Variants in DUT observed in about 807,000 individuals in gnomAD.
DUT encodes the protein deoxyuridine 5'-triphosphate nucleotidohydrolase, mitochondrial.
Under a neutral mutation model 28.8 loss-of-function variants are expected in DUT, and 21 were observed. The ratio of observed to expected loss-of-function variants is 0.73; its 90% CI spans 0.52 to 1.05. DUT has a LOEUF of 1.05. DUT is among the 50% of genes least tolerant of loss of function. The pLI, the probability that DUT is intolerant of heterozygous loss-of-function variation, is 0.00. For missense variants in DUT, 344 were observed against 351.8 expected (o/e 0.98, Z 0.18); for synonymous variants, 147 against 143.7 (o/e 1.02, Z -0.17).
At position 48,341,027 on chromosome 15, in the gene DUT, T is replaced by G. The variant is rs566079817; in HGVS notation, c.557-262T>G. On this transcript the variant is annotated intron_variant, in intron 4 of 6. Transcript: ENST00000331200. ...GTAGGTTGGAGATGGCCATTGCTAC[T>G]GCCAGCTTAAAATAGGAAATGGTCG... The G allele has an allele frequency of 2.5e-5, 8 of 314,518 alleles. No homozygotes were observed. The South Asian group carries it at 4.6e-4, about 18-fold the overall frequency. The allele number at this position is 314,518 out of a possible 1,614,324, so 19.5% of individuals were successfully genotyped here.
In DUT at chr15:48,336,029, CCTT is replaced by C; in HGVS notation, c.512-16_512-14del. 3 of 1,603,202 alleles carry C rather than the reference CCTT, an allele frequency of 1.9e-6. No homozygotes were observed. Among genetic ancestry groups the C allele is most frequent in the Non-Finnish European group, 8.5e-7 (1 of 1,176,834 alleles). On this transcript the variant is annotated splice_polypyrimidine_tract_variant and intron_variant, in intron 3 of 6. Transcript: ENST00000331200. ...TTCCCCCTTAAAATAACCAATGTCTCCTTTTTTGTTTTTTAGCTCCACGGTCAG... is the reference window on the plus strand; with the variant it reads ...TTCCCCCTTAAAATAACCAATGTCTCTTTTGTTTTTTAGCTCCACGGTCAG...
chr15:48,334,554 G>A (rs1351535533), intron 3 of DUT, 46 bp downstream of exon 3: 1 of 1,384,682 alleles, frequency 7.2e-7, no homozygotes, highest in Non-Finnish European at 1.0e-6. Context: ...GTTCTCCTTT[G>A]TGATAGATTC....
In DUT at chr15:48,334,491, G is replaced by T; in HGVS notation, c.494G>T (p.Gly165Val). Residue 165 changes from glycine (G) to valine (V), a missense_variant, in exon 3 of 7, where the codon GGG becomes GTG. By Grantham distance (109) the Gly-to-Val change is moderately radical. Coordinates refer to ENST00000331200, the MANE Select transcript of DUT (RefSeq NM_001025248.2). ...KTDIQIALPS[G>V]CYGRVAPRSG... ...GACATTCAGATAGCGCTCCCTTCTG[G>T]GTGTTATGGAAGAGTGGGTAAGTCA... The T allele has an allele frequency of 6.2e-7, 1 of 1,610,158 alleles. No homozygotes were observed. Among genetic ancestry groups the T allele is most frequent in the Non-Finnish European group, 8.5e-7 (1 of 1,177,346 alleles).
intron 3 of DUT, among the ~76,000 whole-genome samples, chr15:48,335,814 G>C (rs2042469140): frequency 6.6e-6 from 1 of 152,204 alleles, no homozygotes; most frequent in African/African-American, 2.4e-5. Context: ...CATGGGAGTG[G>C]TTTAAGTTAG....
upstream of DUT, chr15:48,331,371 G>C (rs1400356586): frequency 7.5e-6 from 11 of 1,467,078 alleles, no homozygotes; most frequent in Non-Finnish European, 9.9e-6. Context: ...TGGGCTGCCG[G>C]GGCACCGCCT....
intron 2 of DUT, 48 bp from the exon 3 acceptor site, chr15:48,334,366 AAAC>A: frequency 7.7e-7 from 1 of 1,301,512 alleles, no homozygotes. Flanking sequence ...GAAAATATAA[AAAC>A]AATTTTATAA....
chr15:48,332,059 G>A, intron 1 of DUT: 25 of 1,186,656 alleles, frequency 2.1e-5, no homozygotes, highest in Non-Finnish European at 2.7e-5. Flanking sequence ...CCTGCTTTCC[G>A]AGAAGGGCTT....
chr15:48,340,937 A>C (rs16960792), intron 4 of DUT, among the ~76,000 whole-genome samples: 2,987 of 152,296 alleles, frequency 0.02, 111 homozygotes, highest in African/African-American at 0.069. Context: ...ATACCAGGAA[A>C]AACCTTTAAA....
At position 48,341,334 on chromosome 15, in the gene DUT, T is replaced by C. The variant is rs759310753; in HGVS notation, c.602T>C (p.Leu201Pro). ...TATAGAGGAAATGTTGGTGTTGTAC[T>C]GTTTAATTTTGGCAAAGAAAAGTTT... ...EDYRGNVGVV[L>P]FNFGKEKFEV... Residue 201 changes from leucine to proline, a missense_variant, in exon 5 of 7, where the codon CTG becomes CCG. Leu to Pro is a moderately conservative substitution (Grantham distance 98). Coordinates refer to ENST00000331200, the MANE Select transcript of DUT (RefSeq NM_001025248.2). 1 of 1,611,408 alleles carries C rather than the reference T, an allele frequency of 6.2e-7. No individual in the cohort carries two copies. Among genetic ancestry groups the C allele is most frequent in the South Asian group, 1.1e-5 (1 of 90,930 alleles).
rs766999002 is a variant in DUT, at chr15:48,332,273, C to A, written c.286C>A (p.Pro96Thr). ...GGSPAPGPETPAISPSKRARP... is the reference protein window; with the variant it reads ...GGSPAPGPETTAISPSKRARP... The stretch of plus-strand genomic sequence containing the variant: ...TGCCATGCCCTGCTCTGAAGAGACA[C>A]CCGCCATTTCACCCAGTAAGCGGGC... Residue 96 changes from proline to threonine, a missense_variant, in exon 2 of 7, where the codon CCC becomes ACC. Coordinates refer to ENST00000331200, the MANE Select transcript of DUT (RefSeq NM_001025248.2). 6.2e-7 allele frequency: 1 copy of A among 1,608,630 alleles called. No homozygotes were observed. Among genetic ancestry groups the A allele is most frequent in the African/African-American group, 1.3e-5 (1 of 74,360 alleles).
intron 2 of DUT, chr15:48,332,826 C>T (rs28381107): frequency 8.8e-6 from 4 of 455,624 alleles, no homozygotes; most frequent in Admixed American, 2.4e-5. Flanking sequence ...TACATTCATC[C>T]GGCCCAGGGC....
intron 3 of DUT, among the ~76,000 whole-genome samples, chr15:48,334,981 G>GT (rs1036991086): frequency 1.4e-4 from 22 of 152,308 alleles, no homozygotes; most frequent in Admixed American, 9.2e-4. Context: ...TTGCAAGAGC[G>GT]TAAGTTCTTT....
At chr15:48,331,108 C>T, upstream of DUT, 1 of 1,245,492 alleles carries the variant, frequency 8.0e-7, no homozygotes, top group Non-Finnish European at 1.0e-6. Context: ...ATAACTGTCA[C>T]CGGCGCCGAG....
At chr15:48,335,878 A>G (rs2042469852) in intron 3 of DUT, among the ~76,000 whole-genome samples, 168 bp from the exon 4 acceptor site, 1 of 152,244 alleles carries the variant, frequency 6.6e-6, no homozygotes, top group African/African-American at 2.4e-5. Context: ...CAACTTTGGT[A>G]ATGCAGTATG....
Position 48,336,139 on chromosome 15 carries a change from T to C in DUT, c.556+49T>C, listed in dbSNP as rs781764281. The C allele has an allele frequency of 2.9e-5, 43 of 1,463,316 alleles. No individual in the cohort carries two copies. In the South Asian group the frequency reaches 5.5e-4, roughly 19 times the overall value. The allele number at this position is 1,463,316 out of a possible 1,614,324, so 90.6% of individuals were successfully genotyped here. A position where few individuals can be genotyped will look rare whatever the true frequency, so the allele number is the denominator to read the frequency against. On this transcript the variant is annotated intron_variant, in intron 4 of 6. Coordinates refer to ENST00000331200, the MANE Select transcript of DUT (RefSeq NM_001025248.2). The stretch of plus-strand genomic sequence containing the variant: ...TGTAAATGTTTGCAAGTATTTACTT[T>C]GTCTTTAAAAGGTAATATTCAAATG...
chr15:48,333,652 C>G (rs537553338), intron 2 of DUT, among the ~76,000 whole-genome samples: 1 of 152,240 alleles, frequency 6.6e-6, no homozygotes, highest in South Asian at 2.1e-4. Context: ...AGGAGAGGGC[C>G]ACAGTAATAT....
rs757373173 is a variant in DUT at position 48,334,525 on chromosome 15, A to G, written c.511+17A>G. ...GAAGAGTGGGTAAGTCATTTAAGAA[A>G]CAGGTAACTATTTGTCAAGTTCTCC... is the stretch of plus-strand genomic sequence containing the variant. On this transcript the variant is annotated intron_variant, in intron 3 of 6. Transcript: ENST00000331200. 16 of 1,552,894 alleles carry G rather than the reference A, an allele frequency of 1.0e-5. No individual in the cohort carries two copies. The East Asian group carries it at 1.1e-4, about 11-fold the overall frequency.
In DUT at chr15:48,331,583, T is replaced by C. The variant is rs776310503; in HGVS notation, c.68T>C (p.Met23Thr). Reference protein sequence around the residue: ...HFLTSLLRSAMQNARGARQRA... With the variant: ...HFLTSLLRSATQNARGARQRA... ...CTTACGTCTCTGCTTCGCTCAGCGA[T>C]GCAAAACGCGCGAGGCGCACGGCAG... The change falls in exon 1 of 7, where the codon ATG becomes ACG. Residue 23 changes from methionine (M) to threonine (T), a missense_variant. Transcript: ENST00000331200. 3 of 1,597,266 alleles carry C rather than the reference T, an allele frequency of 1.9e-6. No individual in the cohort carries two copies. Among genetic ancestry groups the C allele is most frequent in the Middle Eastern group, 3.5e-4 (2 of 5,770 alleles).
At position 48,332,399 on chromosome 15, in the gene DUT, C is replaced by T. The variant is rs1170209301; in HGVS notation, c.412C>T (p.Leu138=). 6.4e-7 allele frequency: 1 copy of T among 1,572,324 alleles called. No homozygotes were observed. Among genetic ancestry groups the T allele is most frequent in the East Asian group, 2.3e-5 (1 of 43,792 alleles). The change falls in exon 2 of 7, where the codon CTG becomes TTG. Residue 138 remains leucine (L), a synonymous_variant. Transcript: ENST00000331200. The part of the protein sequence containing the change: ...RGSARAAGYD[L]YSAYDYTIPP... ...CTCCGCGCGCGCCGCGGGCTACGAC[C>T]TGTACAGGTGAGCGGGGACCTGCCG...
Sources: allele counts gnomAD v4.1 joint callset (sites outside exome capture counted in the v4.1 genomes callset), GRCh38; gene constraint gnomAD v4.1.1; transcripts MANE v1.5; gene names NCBI Gene and HGNC (gene_info 2026-07-23, HGNC 2026-07-21).